Variants in BRWD1 observed in about 807,000 individuals in gnomAD.
BRWD1 encodes the protein bromodomain and WD repeat-containing protein 1.
In BRWD1, 82 loss-of-function variants were observed where a neutral mutation model predicts 251.2. That is an observed-to-expected ratio of 0.33 (90% CI 0.27 to 0.39). BRWD1 has a LOEUF of 0.39. BRWD1 is among the 10% of genes least tolerant of loss of function. The pLI, the probability that BRWD1 is intolerant of heterozygous loss-of-function variation, is 1.00. For missense variants in BRWD1, 2,233 were observed against 2,711.6 expected, an observed-to-expected ratio of 0.82 and a Z score of 3.92; for synonymous variants, 918 against 902.8, an observed-to-expected ratio of 1.02 and a Z score of -0.30.
chr21:39,269,935 A>G lies in BRWD1; in HGVS notation c.1494T>C (p.Ile498=). 6.4e-7 allele frequency: 1 copy of G among 1,567,368 alleles called. No homozygotes were observed. The highest frequency in any genetic ancestry group is 8.7e-7 in the Non-Finnish European group (1 of 1,155,638). ...AATGTTTCATCTTGGTACCTTTTGT[A>G]ATATCCCATATAAATATGCTGCCAT... The part of the protein sequence containing the change: ...GHDGSIFIWD[I]TKGTKMKHYF... Residue 498 remains isoleucine (I), a synonymous_variant, in exon 15 of 41, where the codon ATT becomes ATC. Transcript: ENST00000342449.
In BRWD1 at chr21:39,258,787, A is replaced by C. The variant is rs190374357; in HGVS notation, c.1886-115T>G. ...TGGTCAGAATTTCCCATTTTTGAAA[A>C]ATAACCAGTTTAAAAAGATACTCTA... On this transcript the variant is annotated intron_variant, in intron 17 of 40. Transcript: ENST00000342449. The C allele has an allele frequency of 3.0e-4, 206 of 683,156 alleles. 1 individual carries two copies. Among genetic ancestry groups the C allele is most frequent in the Admixed American group, 9.9e-4 (27 of 27,366 alleles). 42.3% of individuals were successfully genotyped at this position (683,156 alleles called of 1,614,324 possible).
At chr21:39,264,753 CAGTT>C in intron 16 of BRWD1, 68 bp from the exon 17 acceptor site, 1 of 1,488,040 alleles carries the variant, frequency 6.7e-7, no homozygotes, top group Non-Finnish European at 9.1e-7. Context: ...AAATATTAAA[CAGTT>C]AATTAAAACT....
At chr21:39,225,227 T>C in intron 27 of BRWD1, 30 bp from the exon 28 acceptor site, 1 of 1,443,920 alleles carries the variant, frequency 6.9e-7, no homozygotes, top group East Asian at 2.3e-5. Flanking sequence ...GTCTGAGGCA[T>C]TTCTCTGCTA....
chr21:39,206,947 A>C (rs1319034924), intron 36 of BRWD1, among the ~76,000 whole-genome samples: 1 of 152,104 alleles, frequency 6.6e-6, no homozygotes, highest in Non-Finnish European at 1.5e-5. Context: ...TCAAAACTTA[A>C]ATATAATTCT....
intron 29 of BRWD1, among the ~76,000 whole-genome samples, chr21:39,222,580 AAAT>A (rs2033220528): frequency 6.6e-6 from 1 of 152,248 alleles, no homozygotes; most frequent in East Asian, 1.9e-4. Context: ...GGTAGCAACA[AAAT>A]AATGACAACA....
intron 26 of BRWD1, 92 bp from the exon 27 acceptor site, chr21:39,228,674 GAATGT>G (rs1442603674): frequency 1.6e-6 from 1 of 624,792 alleles, no homozygotes; most frequent in Non-Finnish European, 2.8e-6. Flanking sequence ...TGAGATCTAC[GAATGT>G]AATTTTTAAT....
Position 39,236,875 on chromosome 21 carries a change from G to T in BRWD1, c.2577-91C>A, listed in dbSNP as rs2033830050. 4.3e-6 allele frequency: 5 copies of T among 1,156,152 alleles called. No homozygotes were observed. The South Asian group carries it at 6.2e-5, about 14-fold the overall frequency. The allele number at this position is 1,156,152 out of a possible 1,614,324, so 71.6% of individuals were successfully genotyped here. On this transcript the variant is annotated intron_variant, in intron 22 of 40. Transcript: ENST00000342449. ...TATAAAATTGAGGGAACAGAGAGAG[G>T]AGAAAAAGGGAAGGGAAGATACCAG...
rs59344832 is a variant in BRWD1, at chr21:39,282,925, C to G, written c.832-2677G>C. Among the ~76,000 whole-genome samples the G allele has an allele frequency of 4.0e-3, 601 of 148,932 alleles. 5 individuals carry two copies. The highest frequency in any genetic ancestry group is 0.015 in the African/African-American group (587 of 40,158). On this transcript the variant is annotated intron_variant, in intron 8 of 40. Transcript: ENST00000342449. ...AGTGAGCTGAGATCGCACCACTGTA[C>G]TCCAGCCTGGGCAACAAGAGCGGAA... is the stretch of plus-strand genomic sequence containing the variant.
At chr21:39,264,278 G>A (rs2034848469) in intron 17 of BRWD1, among the ~76,000 whole-genome samples, 182 bp downstream of exon 17, 1 of 151,792 alleles carries the variant, frequency 6.6e-6, no homozygotes, top group African/African-American at 2.4e-5. Context: ...TTATTTAGAG[G>A]TAAATGGTAC....
chr21:39,224,964 C>G (rs2033322699), intron 28 of BRWD1, 122 bp downstream of exon 28: 2 of 723,558 alleles, frequency 2.8e-6, no homozygotes, highest in South Asian at 1.7e-5. Flanking sequence ...TTCGGGTCAG[C>G]CTGACATGAC....
intron 5 of BRWD1, chr21:39,296,810 G>A (rs1479232106): frequency 2.1e-6 from 2 of 972,198 alleles, no homozygotes; most frequent in Non-Finnish European, 2.4e-6. Flanking sequence ...TTTCAATGTA[G>A]AATTATATCA....
intron 4 of BRWD1, 80 bp downstream of exon 4, chr21:39,312,761 C>T: frequency 1.6e-6 from 2 of 1,219,044 alleles, no homozygotes; most frequent in South Asian, 1.3e-5. Context: ...CCCCACGGGC[C>T]GGGGTCCCCG....
intron 37 of BRWD1, among the ~76,000 whole-genome samples, 190 bp from the exon 38 acceptor site, chr21:39,202,735 A>T (rs2032174299): frequency 6.6e-6 from 1 of 152,210 alleles, no homozygotes; most frequent in Non-Finnish European, 1.5e-5. Flanking sequence ...CTAACTCTAA[A>T]TTTAACGTAC....
Position 39,236,673 on chromosome 21 carries a change from T to A in BRWD1, c.2688A>T (p.Glu896Asp). ...RRITRFCSSS[E>D]DEISTENLSP... Reference sequence around the variant, plus strand: ...ATAAATTCTCAGTAGATATTTCATCTTCTGAACTACTACAAAATCGAGTAA... The same window carrying A: ...ATAAATTCTCAGTAGATATTTCATCATCTGAACTACTACAAAATCGAGTAA... The change falls in exon 23 of 41, where the codon GAA becomes GAT. Residue 896 changes from glutamate to aspartate, a missense_variant. This residue lies in a region of BRWD1 where 214 missense variants were observed against 222.0 expected (regional missense o/e 0.96). Transcript: ENST00000342449. 1 of 1,614,056 alleles carries A rather than the reference T, an allele frequency of 6.2e-7. No individual in the cohort carries two copies. The highest frequency in any genetic ancestry group is 8.5e-7 in the Non-Finnish European group (1 of 1,179,906).
At chr21:39,313,211 G>C in intron 2 of BRWD1, 30 bp downstream of exon 2, 1 of 1,522,914 alleles carries the variant, frequency 6.6e-7, no homozygotes, top group Non-Finnish European at 8.9e-7. Context: ...GGGACGCCAA[G>C]TCCGCAGCCG....
intron 21 of BRWD1, among the ~76,000 whole-genome samples, chr21:39,242,995 G>A (rs1170176248): frequency 6.6e-6 from 1 of 152,174 alleles, no homozygotes; most frequent in Non-Finnish European, 1.5e-5. Flanking sequence ...GATTAATGTT[G>A]TTTTCATGCC....
rs2031223520 is a variant in BRWD1, at chr21:39,186,206, T to A, written c.*10053A>T. 6.6e-6 allele frequency: 1 copy of A among 152,226 alleles called. No homozygotes were observed. The highest frequency in any genetic ancestry group is 2.4e-5 in the African/African-American group (1 of 41,460). The allele number at this position is 152,226 out of a possible 1,614,324, so 9.4% of individuals were successfully genotyped here. A position where few individuals can be genotyped will look rare whatever the true frequency, so the allele number is the denominator to read the frequency against. Reference sequence around the variant, plus strand: ...ATCTAACTGATTAAGACCTGCCTCTTAATGAGGCACATTTTTGGCATTTCT... The same window carrying A: ...ATCTAACTGATTAAGACCTGCCTCTAAATGAGGCACATTTTTGGCATTTCT... On this transcript the variant is annotated 3_prime_UTR_variant, in exon 41 of 41. Transcript: ENST00000342449.
chr21:39,244,437 T>G (rs1294000499), intron 21 of BRWD1, among the ~76,000 whole-genome samples: 1 of 139,690 alleles, frequency 7.2e-6, no homozygotes, highest in East Asian at 1.9e-4. Flanking sequence ...TTCCTCATTT[T>G]TAAAAGAGAT....
Position 39,195,051 on chromosome 21 carries a change from T to C in BRWD1, c.*1208A>G, listed in dbSNP as rs2031740020. Reference sequence around the variant, plus strand: ...GTATTTGGTTAGAAAATAAGTGTACTATTTGTGTGATAAACTTTCACTTTA... The same window carrying C: ...GTATTTGGTTAGAAAATAAGTGTACCATTTGTGTGATAAACTTTCACTTTA... On this transcript the variant is annotated 3_prime_UTR_variant, in exon 41 of 41. Coordinates refer to ENST00000342449, the MANE Select transcript of BRWD1 (RefSeq NM_033656.4). 1.5e-6 allele frequency: 2 copies of C among 1,306,378 alleles called. No individual in the cohort carries two copies. The highest frequency in any genetic ancestry group is 3.0e-5 in the African/African-American group (2 of 66,526). 80.9% of individuals were successfully genotyped at this position (1,306,378 alleles called of 1,614,324 possible). A position where few individuals can be genotyped will look rare whatever the true frequency, so the allele number is the denominator to read the frequency against.
Sources: allele counts gnomAD v4.1 joint callset (sites outside exome capture counted in the v4.1 genomes callset), GRCh38; gene constraint gnomAD v4.1.1; regional missense constraint gnomAD v4.1.1; transcripts MANE v1.5; gene names NCBI Gene and HGNC (gene_info 2026-07-23, HGNC 2026-07-21).